Variants in ACADM observed in about 807,000 individuals in gnomAD.
ACADM encodes acyl-CoA dehydrogenase medium chain.
Under a neutral mutation model 58.9 loss-of-function variants are expected in ACADM, and 49 were observed. That is an observed-to-expected ratio of 0.83 (90% CI 0.66 to 1.06). The LOEUF (loss-of-function observed/expected upper bound fraction) is 1.06. Among genes scored for constraint, ACADM ranks in the 50% least tolerant of loss-of-function variants. The probability of loss-of-function intolerance (pLI) is 0.00; values close to 1 mark genes in which losing one functional copy is unlikely to be tolerated. For synonymous variants in ACADM, 160 were observed against 157.7 expected (o/e 1.01, Z -0.11); for missense variants, 496 against 507.0 (o/e 0.98, Z 0.21).
At chr1:75,732,189 T>C (rs1003281485) in intron 2 of ACADM, among the ~76,000 whole-genome samples, 2 of 152,188 alleles carry the variant, frequency 1.3e-5, no homozygotes, top group Non-Finnish European at 2.9e-5. Flanking sequence ...TATTCTTATA[T>C]GACACTTTGA....
chr1:75,731,102 G>A (rs936312906), intron 2 of ACADM, among the ~76,000 whole-genome samples: 3 of 151,332 alleles, frequency 2.0e-5, no homozygotes, highest in East Asian at 3.9e-4. Flanking sequence ...GTGAAACCCC[G>A]TCTCTACTAA....
At chr1:75,737,284 A>ATATATATATATG (rs1647310820) in intron 6 of ACADM, among the ~76,000 whole-genome samples, 1 of 42,650 alleles carries the variant, frequency 2.3e-5, no homozygotes, top group African/African-American at 1.2e-4. Context: ...ACACAAATAT[A>ATATATATATATG]TATATATATA....
At chr1:75,737,722 C>G (rs1647348087) in intron 6 of ACADM, among the ~76,000 whole-genome samples, 1 of 152,024 alleles carries the variant, frequency 6.6e-6, no homozygotes, top group South Asian at 2.1e-4. Context: ...TCTGAAACAG[C>G]ATCATTTGCG....
rs761317029 is a variant in ACADM at position 75,750,449 on chromosome 1, A to G, written c.850-2A>G. On this transcript the variant is annotated splice_acceptor_variant, in intron 9 of 11. Coordinates refer to ENST00000370841, the MANE Select transcript of ACADM (RefSeq NM_000016.6). LOFTEE classifies it high-confidence loss of function. ...TTGCTTTATAATATCTTAAAATACT[A>G]GGTAGCTGCTGGTGCTGTTGGATTA... The G allele has an allele frequency of 1.2e-6, 2 of 1,606,806 alleles. No individual in the cohort carries two copies. The highest frequency in any genetic ancestry group is 1.7e-6 in the Non-Finnish European group (2 of 1,176,176).
In ACADM at chr1:75,761,247, A is replaced by C; in HGVS notation, c.1071A>C (p.Ala357=). ...GRRNTYYASI[A]KAFAGDIANQ... is the part of the protein sequence containing the mutation. ...GAAATACCTATTATGCTTCTATTGC[A>C]AAGGCATTTGCTGGAGATATTGCAA... The change falls in exon 11 of 12, where the codon GCA becomes GCC. Residue 357 remains alanine, a synonymous_variant. Coordinates refer to ENST00000370841, the MANE Select transcript of ACADM (RefSeq NM_000016.6). 1 of 1,614,190 alleles carries C rather than the reference A, an allele frequency of 6.2e-7. No homozygotes were observed. Among genetic ancestry groups the C allele is most frequent in the Non-Finnish European group, 8.5e-7 (1 of 1,180,034 alleles).
intron 10 of ACADM, among the ~76,000 whole-genome samples, chr1:75,752,929 C>G (rs954961850): frequency 2.6e-5 from 4 of 152,220 alleles, no homozygotes; most frequent in South Asian, 2.1e-4. Flanking sequence ...TTAGGTACTC[C>G]AGAGATTTCA....
chr1:75,733,513 AT>A lies in ACADM; in HGVS notation c.287-11del, dbSNP rs1647187000. 6.3e-7 allele frequency: 1 copy of A among 1,599,694 alleles called. No homozygotes were observed. The highest frequency in any genetic ancestry group is 1.3e-5 in the African/African-American group (1 of 74,574). On this transcript the variant is annotated splice_polypyrimidine_tract_variant and intron_variant, in intron 4 of 11. Transcript: ENST00000370841. ...ACTACATATTACAATGTGTTGAAAC[AT>A]TTTGATACTGTAGGAGGTCTTGGAC...
chr1:75,738,519 A>T lies in ACADM; in HGVS notation c.469-1461A>T, dbSNP rs567638875. Among the ~76,000 whole-genome samples, 4 of 152,258 alleles carry T rather than the reference A, an allele frequency of 2.6e-5. No homozygotes were observed. The East Asian group carries it at 5.8e-4, about 22-fold the overall frequency. ...TTACAAACCTGAAGCCTCAGCCACC[A>T]CGCCCGGCCCTAAGTAATCATTTCT... On this transcript the variant is annotated intron_variant, in intron 6 of 11. Transcript: ENST00000370841.
chr1:75,750,709 G>T (rs1648152246), intron 10 of ACADM, 163 bp downstream of exon 10: 2 of 679,434 alleles, frequency 2.9e-6, no homozygotes, highest in African/African-American at 3.6e-5. Flanking sequence ...TTTTTAGAGT[G>T]TGCCACTATT....
At chr1:75,748,959 T>C (rs550346735) in intron 8 of ACADM, among the ~76,000 whole-genome samples, 1 of 152,346 alleles carries the variant, frequency 6.6e-6, no homozygotes, top group Admixed American at 6.5e-5. Flanking sequence ...TCTATTAAGA[T>C]TAAAGGTCTC....
chr1:75,730,292 A>T (rs375565350), intron 2 of ACADM, among the ~76,000 whole-genome samples: 1 of 152,184 alleles, frequency 6.6e-6, no homozygotes, highest in Non-Finnish European at 1.5e-5. Flanking sequence ...GGAGAAATCT[A>T]TGGTGGTTCA....
intron 7 of ACADM, chr1:75,744,012 A>G (rs1448780781): frequency 6.4e-7 from 1 of 1,574,406 alleles, no homozygotes; most frequent in Non-Finnish European, 8.7e-7. Flanking sequence ...TGTTACTCAC[A>G]TCAATCTCAT....
At chr1:75,726,878 C>T (rs575156713) in intron 1 of ACADM, among the ~76,000 whole-genome samples, 12 of 147,518 alleles carry the variant, frequency 8.1e-5, no homozygotes, top group African/African-American at 2.8e-4. Context: ...AGTCTAGGCT[C>T]ACTGCAACCT....
At chr1:75,735,766 C>T (rs1221685115) in intron 6 of ACADM, among the ~76,000 whole-genome samples, 2 of 151,598 alleles carry the variant, frequency 1.3e-5, no homozygotes, top group African/African-American at 4.9e-5. Context: ...ATCTCTTGAA[C>T]CTGGGAGGCA....
intron 10 of ACADM, among the ~76,000 whole-genome samples, chr1:75,758,955 A>G (rs991115484): frequency 7.2e-5 from 11 of 152,176 alleles, no homozygotes; most frequent in African/African-American, 1.9e-4. Flanking sequence ...GCTCTTCACA[A>G]TAAATCTTGC....
chr1:75,728,445 A>C lies in ACADM; in HGVS notation c.75A>C (p.Thr25=). 1 of 1,613,682 alleles carries C rather than the reference A, an allele frequency of 6.2e-7. No individual in the cohort carries two copies. Among genetic ancestry groups the C allele is most frequent in the Non-Finnish European group, 8.5e-7 (1 of 1,179,720 alleles). The change falls in exon 2 of 12, where the codon ACA becomes ACC. Residue 25 remains threonine (T), a synonymous_variant. Coordinates refer to ENST00000370841, the MANE Select transcript of ACADM (RefSeq NM_000016.6). ...ISRFHWRSQH[T]KANRQREPGL... ...GTTTTCATTGGAGATCACAGCATAC[A>C]AAAGCCAATCGACAACGTGAACCAG...
intron 10 of ACADM, among the ~76,000 whole-genome samples, chr1:75,753,325 G>A (rs1648307527): frequency 6.6e-6 from 1 of 151,772 alleles, no homozygotes; most frequent in Admixed American, 6.6e-5. Context: ...CCAAATCTGA[G>A]TCTGATTTTT....
rs1648931487 is a variant in ACADM at position 75,762,841 on chromosome 1, G to A, written c.*78G>A. The A allele has an allele frequency of 8.2e-6, 7 of 850,162 alleles. No individual in the cohort carries two copies. The highest frequency in any genetic ancestry group is 1.7e-5 in the African/African-American group (1 of 57,962). 52.7% of individuals were successfully genotyped at this position (850,162 alleles called of 1,614,324 possible). A position where few individuals can be genotyped will look rare whatever the true frequency, so the allele number is the denominator to read the frequency against. ...TCCAGAAAAAAGAAAGGGCTTTAACGTTTTTTCCAGTGAAAACAAATCCTC... is the reference window on the plus strand; with the variant it reads ...TCCAGAAAAAAGAAAGGGCTTTAACATTTTTTCCAGTGAAAACAAATCCTC... On this transcript the variant is annotated 3_prime_UTR_variant, in exon 12 of 12. Transcript: ENST00000370841.
intron 10 of ACADM, among the ~76,000 whole-genome samples, chr1:75,751,345 A>T (rs1261893922): frequency 2.0e-5 from 3 of 151,942 alleles, no homozygotes; most frequent in Non-Finnish European, 4.4e-5. Flanking sequence ...GTCTCAAAAA[A>T]GAAAATATAT....
Sources: allele counts gnomAD v4.1 joint callset (sites outside exome capture counted in the v4.1 genomes callset), GRCh38; gene constraint gnomAD v4.1.1; transcripts MANE v1.5; gene names NCBI Gene and HGNC (gene_info 2026-07-23, HGNC 2026-07-21).